The following ULK2 variants were observed in gnomAD, a reference collection of about 807,000 sequenced individuals.
ULK2 encodes the protein serine/threonine-protein kinase ULK2.
ULK2 carries 76 observed loss-of-function variants against 127.5 expected under a neutral mutation model. The observed-to-expected ratio is 0.60, with a 90% CI of 0.50 to 0.72. The LOEUF is 0.72. Among genes scored for constraint, ULK2 ranks in the 30% least tolerant of loss-of-function variants. The pLI, the probability that ULK2 is intolerant of heterozygous loss-of-function variation, is 0.00. For synonymous variants in ULK2, 452 were observed against 461.9 expected, an observed-to-expected ratio of 0.98 and a Z score of 0.28; for missense variants, 1,144 against 1,295.9, an observed-to-expected ratio of 0.88 and a Z score of 1.80.
intron 25 of ULK2, among the ~76,000 whole-genome samples, chr17:19,778,210 C>A (rs541302833): frequency 1.8e-4 from 27 of 152,310 alleles, no homozygotes; most frequent in Middle Eastern, 3.4e-3. Context: ...CCAGGCACTG[C>A]GCCTACAATG....
At chr17:19,828,281 A>G (rs1458833700) in intron 10 of ULK2, among the ~76,000 whole-genome samples, 1 of 152,216 alleles carries the variant, frequency 6.6e-6, no homozygotes, top group Non-Finnish European at 1.5e-5. Flanking sequence ...TCAGGTTGAA[A>G]TGAAAAGAGC....
At chr17:19,834,162 C>T (rs1024723494) in intron 10 of ULK2, among the ~76,000 whole-genome samples, 1 of 151,448 alleles carries the variant, frequency 6.6e-6, no homozygotes, top group Non-Finnish European at 1.5e-5. Context: ...AGTAAGATGA[C>T]ATAGTCAAAG....
intron 20 of ULK2, among the ~76,000 whole-genome samples, chr17:19,793,292 C>T (rs1597722075): frequency 6.6e-6 from 1 of 152,108 alleles, no homozygotes; most frequent in Non-Finnish European, 1.5e-5. Flanking sequence ...TCTCCCCTGA[C>T]ACATGGAAAT....
At chr17:19,849,074 A>G (rs1190310057) in intron 5 of ULK2, among the ~76,000 whole-genome samples, 1 of 152,172 alleles carries the variant, frequency 6.6e-6, no homozygotes, top group Non-Finnish European at 1.5e-5. Context: ...CTTTTGAAGG[A>G]GAGGAATTCT....
intron 3 of ULK2, among the ~76,000 whole-genome samples, chr17:19,859,413 G>C (rs938959047): frequency 6.6e-6 from 1 of 152,114 alleles, no homozygotes; most frequent in African/African-American, 2.4e-5. Flanking sequence ...CAGCTACTTG[G>C]GAGGCTGAGG....
intron 3 of ULK2, among the ~76,000 whole-genome samples, chr17:19,851,479 A>C (rs1316331545): frequency 2.0e-5 from 3 of 151,774 alleles, no homozygotes; most frequent in Non-Finnish European, 4.4e-5. Context: ...CTCTACTAAA[A>C]ATACAAAGAA....
intron 15 of ULK2, among the ~76,000 whole-genome samples, chr17:19,803,992 A>T (rs1231055906): frequency 6.6e-6 from 1 of 152,140 alleles, no homozygotes; most frequent in East Asian, 1.9e-4. Flanking sequence ...TTACGTGCAT[A>T]CTTATGTCTG....
At chr17:19,780,836 CA>C in intron 24 of ULK2, 149 bp downstream of exon 24, 1 of 945,160 alleles carries the variant, frequency 1.1e-6, no homozygotes, top group East Asian at 2.5e-5. Flanking sequence ...AATTGAACTG[CA>C]AAAAGCTAAC....
rs1173007960 is a variant in ULK2 at position 19,774,389 on chromosome 17, T to C, written c.*1960A>G. ...ATGGCTTGACCACTTGCCTAGTTCC[T>C]GACTTTAGGCCAATCACTTCCCCTC... On this transcript the variant is annotated 3_prime_UTR_variant, in exon 27 of 27. Coordinates refer to ENST00000395544, the MANE Select transcript of ULK2 (RefSeq NM_014683.4). 6.6e-6 allele frequency: 1 copy of C among 152,252 alleles called. No individual in the cohort carries two copies. The highest frequency in any genetic ancestry group is 1.5e-5 in the Non-Finnish European group (1 of 68,050). 9.4% of individuals were successfully genotyped at this position (152,252 alleles called of 1,614,324 possible). A position where few individuals can be genotyped will look rare whatever the true frequency, so the allele number is the denominator to read the frequency against.
At chr17:19,781,253 T>C in intron 23 of ULK2, 149 bp from the exon 24 acceptor site, 2 of 666,152 alleles carry the variant, frequency 3.0e-6, no homozygotes, top group Non-Finnish European at 4.9e-6. Flanking sequence ...TTTTTTTTTT[T>C]TTTTTTTTGA....
In ULK2 at chr17:19,786,025, C is replaced by CTTG. The variant is rs1170695452; in HGVS notation, c.2160_2162dup (p.Ser720_Lys721insAsn). 9 of 1,576,482 alleles carry CTTG rather than the reference C, an allele frequency of 5.7e-6. No individual in the cohort carries two copies. Among genetic ancestry groups the CTTG allele is most frequent in the Non-Finnish European group, 7.7e-6 (9 of 1,167,544 alleles). On this transcript the variant is annotated inframe_insertion, in exon 21 of 27. Coordinates refer to ENST00000395544, the MANE Select transcript of ULK2 (RefSeq NM_014683.4). ...GAGACCCTACAGTGAAGAGGACAGCCTTGGAACTTGCTGCTGTACCTGCAG... is the reference window on the plus strand; with the variant it reads ...GAGACCCTACAGTGAAGAGGACAGCCTTGTTGGAACTTGCTGCTGTACCTGCAG...
In ULK2 at chr17:19,815,311, A is replaced by G. The variant is rs576740872; in HGVS notation, c.1096+1438T>C. 3.1e-4 allele frequency among the ~76,000 whole-genome samples: 47 copies of G among 152,026 alleles called. No homozygotes were observed. In the South Asian group the frequency reaches 4.6e-3, roughly 15 times the overall value. ...AGTCACTCTCTGTCACCCAGGCTGGAGTACAATGGCACGATCTCAGCTCAC... is the reference window on the plus strand; with the variant it reads ...AGTCACTCTCTGTCACCCAGGCTGGGGTACAATGGCACGATCTCAGCTCAC... On this transcript the variant is annotated intron_variant, in intron 13 of 26. Transcript: ENST00000395544.
intron 1 of ULK2, among the ~76,000 whole-genome samples, chr17:19,866,407 C>T (rs890376821): frequency 1.3e-5 from 2 of 152,024 alleles, no homozygotes; most frequent in African/African-American, 4.8e-5. Context: ...ACTCAGGAGG[C>T]TGAGGCAGGA....
At position 19,777,685 on chromosome 17, in the gene ULK2, T is replaced by G; in HGVS notation, c.2948A>C (p.Gln983Pro). The change falls in exon 26 of 27, where the codon CAG becomes CCG. Residue 983 changes from glutamine to proline, a missense_variant. By Grantham distance (76) the Gln-to-Pro change is moderately conservative (BLOSUM62 -1). Coordinates refer to ENST00000395544, the MANE Select transcript of ULK2 (RefSeq NM_014683.4). The part of the protein sequence containing the change: ...VQSAALDEMF[Q>P]QTEDIVYRYH... Reference sequence around the variant, plus strand: ...GCGATAAACAATATCTTCGGTCTGCTGAAACATCTCATCCAGGGCTGCAGA... The same window carrying G: ...GCGATAAACAATATCTTCGGTCTGCGGAAACATCTCATCCAGGGCTGCAGA... 1 of 1,613,968 alleles carries G rather than the reference T, an allele frequency of 6.2e-7. No homozygotes were observed.
At chr17:19,821,503 A>G (rs1252427634) in intron 12 of ULK2, among the ~76,000 whole-genome samples, 3 of 152,156 alleles carry the variant, frequency 2.0e-5, no homozygotes, top group Non-Finnish European at 1.5e-5. Context: ...CGACAACGTT[A>G]TATCACATGC....
At position 19,774,823 on chromosome 17, in the gene ULK2, G is replaced by T. The variant is rs1027336092; in HGVS notation, c.*1526C>A. ...AAAAAGGCTATTACACAACAATTCA[G>T]TGAGTTTTACCTAGTTTCAAGAATA... is the stretch of plus-strand genomic sequence containing the variant. On this transcript the variant is annotated 3_prime_UTR_variant, in exon 27 of 27. Coordinates refer to ENST00000395544, the MANE Select transcript of ULK2 (RefSeq NM_014683.4). 1.3e-5 allele frequency: 2 copies of T among 152,610 alleles called. No homozygotes were observed. The highest frequency in any genetic ancestry group is 2.9e-5 in the Non-Finnish European group (2 of 68,034). 9.5% of individuals were successfully genotyped at this position (152,610 alleles called of 1,614,324 possible). A position where few individuals can be genotyped will look rare whatever the true frequency, so the allele number is the denominator to read the frequency against.
At chr17:19,790,414 T>A (rs1209835196) in intron 20 of ULK2, among the ~76,000 whole-genome samples, 1 of 152,052 alleles carries the variant, frequency 6.6e-6, no homozygotes, top group South Asian at 2.1e-4. Flanking sequence ...CGAAACTCCA[T>A]CTCAAAAATA....
intron 13 of ULK2, among the ~76,000 whole-genome samples, chr17:19,815,057 C>T (rs1597753586): frequency 6.6e-6 from 1 of 152,232 alleles, no homozygotes; most frequent in East Asian, 1.9e-4. Flanking sequence ...CATGCTGGCA[C>T]TCTAAAAGTT....
chr17:19,820,665 G>A (rs2041118356), intron 12 of ULK2, among the ~76,000 whole-genome samples: 1 of 152,210 alleles, frequency 6.6e-6, no homozygotes, highest in Non-Finnish European at 1.5e-5. Context: ...GCCATGGAGA[G>A]CTAGAGTTCC....
Sources: gnomAD v4.1 joint callset for allele counts (sites outside exome capture counted in the v4.1 genomes callset) on GRCh38, gnomAD v4.1.1 for gene constraint, MANE v1.5 for transcripts, NCBI Gene and HGNC (gene_info 2026-07-23, HGNC 2026-07-21) for gene names.